CACNA1E: variants seen among roughly 807,000 people sequenced by gnomAD.
CACNA1E encodes the protein calcium voltage-gated channel subunit alpha1 E.
A neutral mutation model predicts 259.2 loss-of-function variants in CACNA1E; 40 were observed. The observed-to-expected ratio is 0.15, with a 90% CI of 0.12 to 0.20. CACNA1E has a LOEUF of 0.20. Among genes scored for constraint, CACNA1E ranks in the 10% least tolerant of loss-of-function variants. The pLI, the probability that CACNA1E is intolerant of heterozygous loss-of-function variation, is 1.00. For missense variants in CACNA1E, 1,874 were observed against 3,040.1 expected (o/e 0.62, Z 9.02); for synonymous variants, 1,104 against 1,138.5 (o/e 0.97, Z 0.61).
At chr1:181,625,223 A>G (rs755149913) in intron 6 of CACNA1E, among the ~76,000 whole-genome samples, 2 of 152,086 alleles carry the variant, frequency 1.3e-5, no homozygotes, top group African/African-American at 2.4e-5. Flanking sequence ...GGAATGGCCA[A>G]TGAACATTGG....
At chr1:181,583,982 T>C (rs1300705102) in intron 6 of CACNA1E, among the ~76,000 whole-genome samples, 1 of 152,208 alleles carries the variant, frequency 6.6e-6, no homozygotes, top group Non-Finnish European at 1.5e-5. Flanking sequence ...CTCCTTCTGA[T>C]CAATGCTCTT....
At chr1:181,723,970 G>A (rs999608090) in intron 16 of CACNA1E, among the ~76,000 whole-genome samples, 16 of 152,144 alleles carry the variant, frequency 1.1e-4, no homozygotes, top group Non-Finnish European at 2.1e-4. Context: ...GGTCATTGGT[G>A]ATCAACTTAA....
At chr1:181,477,749 G>T (rs1662960436) in intron 2 of CACNA1E, among the ~76,000 whole-genome samples, 1 of 152,198 alleles carries the variant, frequency 6.6e-6, no homozygotes, top group South Asian at 2.1e-4. Context: ...TTTCCAGTGT[G>T]TTACCGTGGT....
intron 3 of CACNA1E, among the ~76,000 whole-genome samples, chr1:181,561,274 C>T (rs1649296318): frequency 6.6e-6 from 1 of 152,166 alleles, no homozygotes; most frequent in African/African-American, 2.4e-5. Context: ...AATCTTAATA[C>T]TGACATTTTT....
intron 26 of CACNA1E, 107 bp downstream of exon 26, chr1:181,750,594 T>G: frequency 9.8e-7 from 1 of 1,016,526 alleles, no homozygotes. Flanking sequence ...AAAAGAGTGG[T>G]CAGTTTTTAT....
At chr1:181,336,954 C>A (rs1651756669) in intron 1 of CACNA1E, among the ~76,000 whole-genome samples, 1 of 149,084 alleles carries the variant, frequency 6.7e-6, no homozygotes, top group African/African-American at 2.5e-5. Context: ...AGATATAATG[C>A]AAAGAAAATT....
intron 3 of CACNA1E, among the ~76,000 whole-genome samples, chr1:181,576,638 CCAGTTTTCTGAATGCCT>C (rs1217837185): frequency 6.6e-6 from 1 of 152,120 alleles, no homozygotes; most frequent in Non-Finnish European, 1.5e-5. Context: ...ATAGAGGAAC[CCAGTTTTCTGAATGCCT>C]CATTTCCTGA....
intron 1 of CACNA1E, among the ~76,000 whole-genome samples, chr1:181,412,875 G>A (rs1348156598): frequency 6.6e-6 from 1 of 152,226 alleles, no homozygotes; most frequent in African/African-American, 2.4e-5. Flanking sequence ...AGTCCACTTT[G>A]TTAAATTCTG....
chr1:181,365,073 TG>T (rs1654168535), intron 1 of CACNA1E, among the ~76,000 whole-genome samples: 1 of 152,206 alleles, frequency 6.6e-6, no homozygotes, highest in Non-Finnish European at 1.5e-5. Context: ...GCACGTGCTT[TG>T]GGAGGTAGTG....
chr1:181,576,403 T>A (rs1374643450), intron 3 of CACNA1E, among the ~76,000 whole-genome samples: 1 of 152,244 alleles, frequency 6.6e-6, no homozygotes, highest in South Asian at 2.1e-4. Flanking sequence ...TTGTGTCAGT[T>A]ACCGCTTGCG....
chr1:181,432,375 T>G (rs1659778367), intron 2 of CACNA1E, among the ~76,000 whole-genome samples: 1 of 152,160 alleles, frequency 6.6e-6, no homozygotes, highest in South Asian at 2.1e-4. Flanking sequence ...ATAAAAAAAT[T>G]TTTTAATGTT....
At chr1:181,634,211 G>A (rs1277278703) in intron 6 of CACNA1E, among the ~76,000 whole-genome samples, 3 of 152,188 alleles carry the variant, frequency 2.0e-5, no homozygotes, top group African/African-American at 7.2e-5. Context: ...TAAAATGGGG[G>A]TGATAATGAT....
At chr1:181,654,566 G>C (rs572856590) in intron 7 of CACNA1E, among the ~76,000 whole-genome samples, 2 of 152,162 alleles carry the variant, frequency 1.3e-5, no homozygotes, top group African/African-American at 4.8e-5. Flanking sequence ...AGGCAACGTG[G>C]ATGTCCATAA....
chr1:181,422,986 T>C (rs915856606), intron 2 of CACNA1E, among the ~76,000 whole-genome samples: 1 of 152,152 alleles, frequency 6.6e-6, no homozygotes, highest in Non-Finnish European at 1.5e-5. Flanking sequence ...GTAGCAAACA[T>C]GTATTTTTCC....
intron 24 of CACNA1E, 122 bp from the exon 25 acceptor site, chr1:181,739,025 T>G: frequency 1.3e-6 from 1 of 742,900 alleles, no homozygotes; most frequent in Non-Finnish European, 2.4e-6. Flanking sequence ...ATTCTCCAGG[T>G]CCTAGCATAG....
chr1:181,646,969 C>G (rs941076370), intron 6 of CACNA1E, among the ~76,000 whole-genome samples: 1 of 151,936 alleles, frequency 6.6e-6, no homozygotes, highest in Non-Finnish European at 1.5e-5. Flanking sequence ...TCATCACCCT[C>G]GTCGTGCACA....
chr1:181,604,438 T>C (rs879430226), intron 6 of CACNA1E, among the ~76,000 whole-genome samples: 13 of 152,218 alleles, frequency 8.5e-5, no homozygotes, highest in Admixed American at 5.9e-4. Flanking sequence ...AAGCCCAGGT[T>C]GGCTACACTT....
chr1:181,643,006 C>A (rs950959616), intron 6 of CACNA1E, among the ~76,000 whole-genome samples: 2 of 152,132 alleles, frequency 1.3e-5, no homozygotes, highest in African/African-American at 2.4e-5. Flanking sequence ...TCACTCCCCC[C>A]ACAGGTTATC....
intron 2 of CACNA1E, among the ~76,000 whole-genome samples, chr1:181,449,989 AAG>A (rs1661048005): frequency 6.6e-6 from 1 of 152,154 alleles, no homozygotes; most frequent in Non-Finnish European, 1.5e-5. Flanking sequence ...TTATGAAGAA[AAG>A]AGGTTTAATT....
Sources: gnomAD v4.1 joint callset for allele counts (sites outside exome capture counted in the v4.1 genomes callset) on GRCh38, gnomAD v4.1.1 for gene constraint, MANE v1.5 for transcripts, NCBI Gene and HGNC (gene_info 2026-07-23, HGNC 2026-07-21) for gene names.